The following FYB1 variants were observed in gnomAD, a reference collection of about 807,000 sequenced individuals.
FYB1 encodes the protein FYN binding protein 1.
A neutral mutation model predicts 94.1 loss-of-function variants in FYB1; 41 were observed. That is an observed-to-expected ratio of 0.44 (90% confidence interval 0.34 to 0.57). The LOEUF (loss-of-function observed/expected upper bound fraction) is 0.57. Ranked by LOEUF, FYB1 falls within the 20% of genes least tolerant of loss-of-function variation. The pLI is 0.02. For missense variants in FYB1, 1,050 were observed against 976.8 expected (o/e 1.07, Z -1.00); for synonymous variants, 367 against 353.2 (o/e 1.04, Z -0.44).
intron 3 of FYB1, among the ~76,000 whole-genome samples, chr5:39,144,812 C>CA (rs1302988192): frequency 5.9e-5 from 9 of 151,766 alleles, no homozygotes; most frequent in Admixed American, 3.3e-4. Context: ...AAAAAAAAAC[C>CA]AAAAAACAAC....
intron 1 of FYB1, among the ~76,000 whole-genome samples, chr5:39,259,055 G>A (rs1404466989): frequency 6.6e-6 from 1 of 152,056 alleles, no homozygotes; most frequent in African/African-American, 2.4e-5. Flanking sequence ...TCTCAACTGG[G>A]GGGTTGGGGA....
intron 1 of FYB1, among the ~76,000 whole-genome samples, chr5:39,263,222 A>C (rs1752298430): frequency 6.6e-6 from 1 of 152,298 alleles, no homozygotes; most frequent in Non-Finnish European, 1.5e-5. Flanking sequence ...CTTCAAGAGC[A>C]AGGGTGCCAC....
chr5:39,146,139 T>C (rs1742632651), intron 3 of FYB1, among the ~76,000 whole-genome samples: 1 of 152,070 alleles, frequency 6.6e-6, no homozygotes, highest in Non-Finnish European at 1.5e-5. Flanking sequence ...GGTCTTGAAC[T>C]CCTAACCTCA....
At chr5:39,173,465 T>G (rs890783639) in intron 2 of FYB1, among the ~76,000 whole-genome samples, 1 of 152,184 alleles carries the variant, frequency 6.6e-6, no homozygotes, top group Non-Finnish European at 1.5e-5. Flanking sequence ...TTTTTGTTAC[T>G]GCTGCAATTG....
chr5:39,224,893 T>A (rs1750408469), intron 1 of FYB1, among the ~76,000 whole-genome samples: 2 of 152,208 alleles, frequency 1.3e-5, no homozygotes, highest in African/African-American at 4.8e-5. Context: ...TTGGTTAACA[T>A]CAGAGATTTT....
intron 1 of FYB1, among the ~76,000 whole-genome samples, chr5:39,263,627 C>G (rs953658328): frequency 2.0e-5 from 3 of 152,276 alleles, no homozygotes; most frequent in African/African-American, 7.2e-5. Context: ...TCCATACTCT[C>G]AGATTTCCCT....
At chr5:39,260,404 C>T (rs1025578813) in intron 1 of FYB1, among the ~76,000 whole-genome samples, 1 of 152,112 alleles carries the variant, frequency 6.6e-6, no homozygotes, top group Non-Finnish European at 1.5e-5. Context: ...GCCTGCAAAG[C>T]CTAAAACATT....
intron 12 of FYB1, among the ~76,000 whole-genome samples, chr5:39,124,972 C>T (rs1740501939): frequency 6.6e-6 from 1 of 150,900 alleles, no homozygotes; most frequent in Non-Finnish European, 1.5e-5. Flanking sequence ...CACAAACACA[C>T]CACGGAAAGA....
Position 39,202,837 on chromosome 5 carries a change from G to T in FYB1, c.124C>A (p.Gln42Lys), listed in dbSNP as rs1748491478. ...CCTGCAGGAGGGCTGGCATTTCCTT[G>T]GTTGTTGAATAAGTTCTTTCTTGCT... ...IQARKNLFNNQGNASPPAGPS... is the reference protein window; with the variant it reads ...IQARKNLFNNKGNASPPAGPS... The change falls in exon 2 of 19, where the codon CAA becomes AAA. Residue 42 changes from glutamine (Q) to lysine (K), a missense_variant. Gln to Lys is a moderately conservative substitution (Grantham distance 53, BLOSUM62 1). Coordinates refer to ENST00000512982, the MANE Select transcript of FYB1 (RefSeq NM_001465.6). 5.0e-6 allele frequency: 8 copies of T among 1,613,870 alleles called. No homozygotes were observed. The East Asian group carries it at 1.8e-4, about 36-fold the overall frequency.
At chr5:39,111,440 CTT>C (rs1349443916) in intron 16 of FYB1, among the ~76,000 whole-genome samples, 2 of 151,688 alleles carry the variant, frequency 1.3e-5, no homozygotes, top group Non-Finnish European at 2.9e-5. Context: ...AAATGATAAA[CTT>C]ACGTAAATGT....
chr5:39,225,757 C>T (rs746345126), intron 1 of FYB1, among the ~76,000 whole-genome samples: 14 of 152,152 alleles, frequency 9.2e-5, no homozygotes, highest in Non-Finnish European at 1.5e-4. Flanking sequence ...TTGAACACTC[C>T]TCCTGAGATA....
chr5:39,181,156 G>A (rs970991267), intron 2 of FYB1, among the ~76,000 whole-genome samples: 8 of 152,216 alleles, frequency 5.3e-5, no homozygotes, highest in Non-Finnish European at 1.2e-4. Context: ...GAATACGTAT[G>A]ATGTTGTGGG....
intron 2 of FYB1, among the ~76,000 whole-genome samples, chr5:39,184,663 G>A (rs1746580679): frequency 6.6e-6 from 1 of 152,066 alleles, no homozygotes; most frequent in African/African-American, 2.4e-5. Flanking sequence ...AATATTCTTT[G>A]TTGAATCAAG....
intron 2 of FYB1, among the ~76,000 whole-genome samples, chr5:39,197,454 C>T (rs1384805153): frequency 6.6e-6 from 1 of 152,160 alleles, no homozygotes; most frequent in Non-Finnish European, 1.5e-5. Context: ...AAACTCCAAT[C>T]TCAAAAAATT....
intron 1 of FYB1, among the ~76,000 whole-genome samples, chr5:39,203,449 T>A (rs1245804383): frequency 1.3e-5 from 2 of 152,224 alleles, no homozygotes; most frequent in African/African-American, 4.8e-5. Context: ...GTGTGCTTCA[T>A]ACAGCATGGC....
intron 1 of FYB1, among the ~76,000 whole-genome samples, chr5:39,240,980 T>C (rs1387468192): frequency 6.6e-6 from 1 of 152,168 alleles, no homozygotes; most frequent in Non-Finnish European, 1.5e-5. Flanking sequence ...TGGAATACTA[T>C]GCAGCCATAA....
chr5:39,160,132 C>G (rs1744117260), intron 2 of FYB1, among the ~76,000 whole-genome samples: 1 of 152,200 alleles, frequency 6.6e-6, no homozygotes, highest in Non-Finnish European at 1.5e-5. Flanking sequence ...TATCAACCTT[C>G]CAGTTTTTAT....
intron 2 of FYB1, among the ~76,000 whole-genome samples, chr5:39,168,736 C>T (rs1318003333): frequency 6.6e-6 from 1 of 151,980 alleles, no homozygotes; most frequent in Non-Finnish European, 1.5e-5. Flanking sequence ...TGTATAAAGT[C>T]CAAACATAAT....
intron 1 of FYB1, chr5:39,269,668 CTCCCTG>C (rs1247801720): frequency 2.0e-5 from 3 of 152,242 alleles, no homozygotes; most frequent in South Asian, 2.1e-4. Context: ...TCCCTTTATT[CTCCCTG>C]TTCCAATGTC....
Sources: allele counts gnomAD v4.1 joint callset (sites outside exome capture counted in the v4.1 genomes callset), GRCh38; gene constraint gnomAD v4.1.1; transcripts MANE v1.5; gene names NCBI Gene and HGNC (gene_info 2026-07-23, HGNC 2026-07-21).